The following CPAP variants were observed in gnomAD, a reference collection of about 807,000 sequenced individuals.
CPAP encodes the protein centrosomal P4.1-associated protein.
the CPAP span, among the ~76,000 whole-genome samples, chr13:24,932,592 T>C: frequency 6.6e-6 from 1 of 152,246 alleles, no homozygotes; most frequent in East Asian, 1.9e-4. Flanking sequence ...CAGAATGTCT[T>C]AACAGAAACC....
the CPAP span, among the ~76,000 whole-genome samples, chr13:24,901,983 C>T: frequency 1.3e-5 from 2 of 151,724 alleles, no homozygotes; most frequent in Admixed American, 6.6e-5. Context: ...AAAGCCAGAC[C>T]CTGTCTCAAA....
At chr13:24,906,714 T>A in the CPAP span, 1 of 1,614,234 alleles carries the variant, frequency 6.2e-7, no homozygotes, top group Non-Finnish European at 8.5e-7. Context: ...CTAGCTTTAC[T>A]GTCCTTTTTA....
chr13:24,931,383 G>A, the CPAP span, among the ~76,000 whole-genome samples: 16 of 134,696 alleles, frequency 1.2e-4, no homozygotes, highest in East Asian at 3.9e-3. Flanking sequence ...GGTAACTCTG[G>A]AAACCAGAGT....
At chr13:24,885,304 T>TGTATGTCTTGGTCTTCCTCCTCCTC in the CPAP span, 4 of 1,612,562 alleles carry the variant, frequency 2.5e-6, no homozygotes, top group Non-Finnish European at 3.4e-6. Flanking sequence ...GATTTCTCCC[T>TGTATGTCTTGGTCTTCCTCCTCCTC]GTATGTCTTG....
At chr13:24,924,585 C>G in the CPAP span, 3 of 152,258 alleles carry the variant, frequency 2.0e-5, no homozygotes, top group African/African-American at 7.2e-5. Context: ...ATCTTCTACT[C>G]TGCCAGACAA....
the CPAP span, among the ~76,000 whole-genome samples, chr13:24,920,271 A>G: frequency 6.6e-6 from 1 of 152,268 alleles, no homozygotes; most frequent in Non-Finnish European, 1.5e-5. Context: ...ACAATTGTTC[A>G]GTATGTACAA....
the CPAP span, chr13:24,910,018 T>C: frequency 1.2e-6 from 2 of 1,614,044 alleles, no homozygotes; most frequent in Non-Finnish European, 1.7e-6. Context: ...CATGTGGCTC[T>C]CTCTCCAGTG....
the CPAP span, among the ~76,000 whole-genome samples, chr13:24,930,561 G>A: frequency 6.6e-6 from 1 of 152,144 alleles, no homozygotes; most frequent in Non-Finnish European, 1.5e-5. Context: ...TGAACATGCA[G>A]TATTTGGTTT....
chr13:24,888,034 C>T, the CPAP span, among the ~76,000 whole-genome samples: 2 of 152,080 alleles, frequency 1.3e-5, no homozygotes, highest in Non-Finnish European at 2.9e-5. Flanking sequence ...GGTGGTAACC[C>T]GAGTATTTGC....
the CPAP span, chr13:24,892,779 T>C: frequency 4.2e-5 from 67 of 1,613,870 alleles, no homozygotes; most frequent in African/African-American, 7.7e-4. Context: ...CATTTGTATC[T>C]GGCTTCTGAG....
chr13:24,928,087 A>C, the CPAP span, among the ~76,000 whole-genome samples: 1 of 152,154 alleles, frequency 6.6e-6, no homozygotes, highest in African/African-American at 2.4e-5. Context: ...CCAGGCTTTC[A>C]GCATTATGTC....
chr13:24,915,649 C>T, the CPAP span, among the ~76,000 whole-genome samples: 2 of 152,012 alleles, frequency 1.3e-5, no homozygotes, highest in Non-Finnish European at 2.9e-5. Context: ...ACTAAAAATA[C>T]AAAAAATTAG....
the CPAP span, chr13:24,908,206 T>C: frequency 4.2e-6 from 4 of 959,674 alleles, no homozygotes; most frequent in Middle Eastern, 2.4e-4. Flanking sequence ...CAAGTTACTA[T>C]GCTAAAACAT....
chr13:24,885,403 T>C, the CPAP span: 1 of 1,558,424 alleles, frequency 6.4e-7, no homozygotes, highest in South Asian at 1.1e-5. Context: ...GCACAACACA[T>C]TTCAAGCAGC....
the CPAP span, chr13:24,899,643 G>A: frequency 3.3e-4 from 456 of 1,373,688 alleles, no homozygotes; most frequent in Non-Finnish European, 4.3e-4. Flanking sequence ...GTGATGTGCA[G>A]AACCTGCTGA....
the CPAP span, chr13:24,886,394 C>T: frequency 7.8e-7 from 1 of 1,286,794 alleles, no homozygotes; most frequent in Non-Finnish European, 1.0e-6. Context: ...GCCTGTGAGA[C>T]AGGAATGGTT....
chr13:24,903,271 C>T, the CPAP span, among the ~76,000 whole-genome samples: 6 of 152,178 alleles, frequency 3.9e-5, no homozygotes, highest in African/African-American at 1.4e-4. Flanking sequence ...TGAATAGTGC[C>T]TTTGCAGATA....
chr13:24,882,963 T>TTAGTC, the CPAP span: 1 of 565,396 alleles, frequency 1.8e-6, no homozygotes. Flanking sequence ...AATGCTTTCC[T>TTAGTC]TAGTCTATTG....
chr13:24,898,236 TACTG>T, the CPAP span, among the ~76,000 whole-genome samples: 14 of 152,274 alleles, frequency 9.2e-5, no homozygotes, highest in African/African-American at 2.6e-4. Flanking sequence ...CAGAGAAACA[TACTG>T]ACTATGTATA....
Sources: gnomAD v4.1 joint callset for allele counts (sites outside exome capture counted in the v4.1 genomes callset) on GRCh38, gnomAD v4.1.1 for gene constraint, MANE v1.5 for transcripts, NCBI Gene and HGNC (gene_info 2026-07-23, HGNC 2026-07-21) for gene names.